STX7: variants seen among roughly 807,000 people sequenced by gnomAD.
STX7 encodes the protein syntaxin-7.
STX7 carries 34 observed loss-of-function variants against 39.6 expected under a neutral mutation model. That is an observed-to-expected ratio of 0.86 (90% CI 0.65 to 1.14). The LOEUF is 1.14. Among genes scored for constraint, STX7 ranks in the 50% most tolerant of loss-of-function variants. The pLI is 0.00. For synonymous variants in STX7, 119 were observed against 99.1 expected, an observed-to-expected ratio of 1.20 and a Z score of -1.19; for missense variants, 284 against 310.4, an observed-to-expected ratio of 0.92 and a Z score of 0.64.
chr6:132,451,568 G>T lies in STX7; in HGVS notation c.*9190C>A, dbSNP rs1774137196. 1 of 152,110 alleles carries T rather than the reference G, an allele frequency of 6.6e-6. No homozygotes were observed. The highest frequency in any genetic ancestry group is 2.1e-4 in the South Asian group (1 of 4,828). The allele number at this position is 152,110 out of a possible 1,614,324, so 9.4% of individuals were successfully genotyped here. On this transcript the variant is annotated 3_prime_UTR_variant, in exon 10 of 10. Coordinates refer to ENST00000367941, the MANE Select transcript of STX7 (RefSeq NM_003569.3). Reference sequence around the variant, plus strand: ...CTACAATAATAATAATAAGGCTAAAGGAGTGCTCTAAACAGAAAGGAAATG... The same window carrying T: ...CTACAATAATAATAATAAGGCTAAATGAGTGCTCTAAACAGAAAGGAAATG...
At position 132,505,757 on chromosome 6, in the gene STX7, A is replaced by AAAAC. The variant is rs1554252682; in HGVS notation, c.-58-2170_-58-2169insGTTT. On this transcript the variant is annotated intron_variant, in intron 1 of 9. Transcript: ENST00000367941. ...AGTCACTTAAAAAAAAAAAAAAAAA[A>AAAAC]AAAAAAACACAGGTTTTGAATAGCC... 7.6e-3 allele frequency among the ~76,000 whole-genome samples: 1,109 copies of AAAAC among 145,008 alleles called. 12 individuals are homozygous for AAAAC. The highest frequency in any genetic ancestry group is 0.012 in the Non-Finnish European group (794 of 66,914).
At position 132,479,566 on chromosome 6, in the gene STX7, G is replaced by A. The variant is rs999846321; in HGVS notation, c.86-3904C>T. On this transcript the variant is annotated intron_variant, in intron 2 of 9. Transcript: ENST00000367941. The stretch of plus-strand genomic sequence containing the variant: ...ACAGCCTTTCTACATTTTGCTCTAC[G>A]TATGTCAGTCAGCCTATCCCTCACC... Among the ~76,000 whole-genome samples, 17 of 152,202 alleles carry A rather than the reference G, an allele frequency of 1.1e-4. No individual in the cohort carries two copies. The East Asian group carries it at 1.4e-3, about 12-fold the overall frequency.
chr6:132,472,233 G>T, intron 4 of STX7, 49 bp downstream of exon 4: 2 of 1,437,824 alleles, frequency 1.4e-6, no homozygotes, highest in Non-Finnish European at 1.9e-6. Context: ...CAGTGCACTG[G>T]GTTTTTTTCA....
At chr6:132,493,630 C>T (rs1262123428) in intron 2 of STX7, among the ~76,000 whole-genome samples, 1 of 152,158 alleles carries the variant, frequency 6.6e-6, no homozygotes, top group Non-Finnish European at 1.5e-5. Flanking sequence ...ATCCATTACA[C>T]CTCTTTTTCT....
chr6:132,487,111 G>C (rs957552118), intron 2 of STX7, among the ~76,000 whole-genome samples: 6 of 152,186 alleles, frequency 3.9e-5, no homozygotes, highest in Non-Finnish European at 7.3e-5. Context: ...GAAGATATTT[G>C]AGTCTGGTTC....
chr6:132,497,964 T>C (rs1775456800), intron 2 of STX7, among the ~76,000 whole-genome samples: 1 of 152,230 alleles, frequency 6.6e-6, no homozygotes, highest in Admixed American at 6.5e-5. Context: ...AACGATTTTG[T>C]TTGCCTGCCA....
chr6:132,488,716 G>A (rs7766824), intron 2 of STX7, among the ~76,000 whole-genome samples: 3,578 of 152,164 alleles, frequency 0.024, 127 homozygotes, highest in African/African-American at 0.08. Context: ...GTTATAGCCC[G>A]TAATTGGGAG....
rs747593887 is a variant in STX7 at position 132,455,814 on chromosome 6, T to C, written c.*4944A>G. The C allele has an allele frequency of 6.6e-5, 10 of 152,212 alleles. No homozygotes were observed. Among genetic ancestry groups the C allele is most frequent in the Non-Finnish European group, 1.0e-4 (7 of 68,036 alleles). 9.4% of individuals were successfully genotyped at this position (152,212 alleles called of 1,614,324 possible). ...AAGAATTAAAATTGGTGTATTGATA[T>C]GGTATTTGAATAATGAGAAAATGGG... On this transcript the variant is annotated 3_prime_UTR_variant, in exon 10 of 10. Transcript: ENST00000367941.
Position 132,451,601 on chromosome 6 carries a change from A to G in STX7, c.*9157T>C, listed in dbSNP as rs1166985645. The G allele has an allele frequency of 1.3e-5, 2 of 152,234 alleles. No homozygotes were observed. The highest frequency in any genetic ancestry group is 2.9e-5 in the Non-Finnish European group (2 of 68,044). 9.4% of individuals were successfully genotyped at this position (152,234 alleles called of 1,614,324 possible). A position where few individuals can be genotyped will look rare whatever the true frequency, so the allele number is the denominator to read the frequency against. On this transcript the variant is annotated 3_prime_UTR_variant, in exon 10 of 10. Coordinates refer to ENST00000367941, the MANE Select transcript of STX7 (RefSeq NM_003569.3). ...CTAAACAGAAAGGAAATGATAAATG[A>G]AGGAGTTTTGGAATATCAGACATCA...
chr6:132,490,965 G>GCAGCACAGCGCAGCACAGCACAGCA (rs1775265305), intron 2 of STX7, among the ~76,000 whole-genome samples: 2 of 127,458 alleles, frequency 1.6e-5, no homozygotes, highest in African/African-American at 3.0e-5. Flanking sequence ...GTCCCTCAGT[G>GCAGCACAGCGCAGCACAGCACAGCA]CAGCACAGCA....
At chr6:132,490,107 T>C (rs970461796) in intron 2 of STX7, among the ~76,000 whole-genome samples, 3 of 152,232 alleles carry the variant, frequency 2.0e-5, no homozygotes, top group Non-Finnish European at 4.4e-5. Flanking sequence ...AACGGTTCCA[T>C]AACAATGTGA....
chr6:132,488,477 G>A (rs954185955), intron 2 of STX7, among the ~76,000 whole-genome samples: 6 of 152,152 alleles, frequency 3.9e-5, no homozygotes, highest in African/African-American at 1.4e-4. Context: ...GAAGGGTACC[G>A]AAAGCCATAA....
chr6:132,478,739 C>T (rs951341055), intron 2 of STX7, among the ~76,000 whole-genome samples: 4 of 152,210 alleles, frequency 2.6e-5, no homozygotes, highest in African/African-American at 9.7e-5. Context: ...TACAACAGAG[C>T]ATCACAATCT....
intron 8 of STX7, among the ~76,000 whole-genome samples, chr6:132,466,360 GTTC>G (rs1431201789): frequency 6.6e-6 from 1 of 151,906 alleles, no homozygotes; most frequent in East Asian, 1.9e-4. Flanking sequence ...CTTTTTATTT[GTTC>G]TTCTTCAACT....
chr6:132,461,075 G>A (rs1016351162), intron 9 of STX7, among the ~76,000 whole-genome samples: 1 of 152,038 alleles, frequency 6.6e-6, no homozygotes, highest in African/African-American at 2.4e-5. Flanking sequence ...AATTAAGGGA[G>A]CAATTTTTCA....
intron 7 of STX7, among the ~76,000 whole-genome samples, chr6:132,468,822 T>A (rs1235757704): frequency 6.6e-6 from 1 of 152,196 alleles, no homozygotes; most frequent in Non-Finnish European, 1.5e-5. Flanking sequence ...ACAAGCAGTA[T>A]CTACTTACAA....
At chr6:132,478,883 T>C (rs1774943106) in intron 2 of STX7, among the ~76,000 whole-genome samples, 2 of 152,218 alleles carry the variant, frequency 1.3e-5, no homozygotes, top group South Asian at 2.1e-4. Context: ...CTCACGGTTA[T>C]GCACACTGTC....
At chr6:132,473,393 C>T (rs1348709990) in intron 3 of STX7, among the ~76,000 whole-genome samples, 1 of 151,926 alleles carries the variant, frequency 6.6e-6, no homozygotes, top group African/African-American at 2.4e-5. Flanking sequence ...TTGCATATAA[C>T]CTATGCATAT....
chr6:132,508,295 T>C (rs1775757717), intron 1 of STX7, among the ~76,000 whole-genome samples: 2 of 152,210 alleles, frequency 1.3e-5, no homozygotes, highest in Admixed American at 1.3e-4. Flanking sequence ...CTCACACCAG[T>C]GTAGCCCAAG....
Sources: allele counts gnomAD v4.1 joint callset (sites outside exome capture counted in the v4.1 genomes callset), GRCh38; gene constraint gnomAD v4.1.1; transcripts MANE v1.5; gene names NCBI Gene and HGNC (gene_info 2026-07-23, HGNC 2026-07-21).